FKBP15: variants seen among roughly 807,000 people sequenced by gnomAD.
FKBP15 encodes the protein FK506-binding protein 15.
FKBP15 carries 106 observed loss-of-function variants against 158.1 expected under a neutral mutation model. The ratio of observed to expected loss-of-function variants is 0.67; its 90% CI spans 0.57 to 0.79. The LOEUF (loss-of-function observed/expected upper bound fraction) is 0.79, where lower values mean the gene tolerates loss of function less well. Among genes scored for constraint, FKBP15 ranks in the 30% least tolerant of loss-of-function variants. The pLI is 0.00. For missense variants in FKBP15, 1,287 were observed against 1,479.1 expected (o/e 0.87, Z 2.13); for synonymous variants, 547 against 548.6 (o/e 1.00, Z 0.04).
Position 113,184,555 on chromosome 9 carries a change from C to T in FKBP15, c.1608+140G>A, listed in dbSNP as rs1406795029. The T allele has an allele frequency of 3.2e-6, 3 of 923,222 alleles. No individual in the cohort carries two copies. Among genetic ancestry groups the T allele is most frequent in the Non-Finnish European group, 5.1e-6 (3 of 592,514 alleles). 57.2% of individuals were successfully genotyped at this position (923,222 alleles called of 1,614,324 possible). On this transcript the variant is annotated intron_variant, in intron 16 of 27. Transcript: ENST00000238256. This position sits in a 1 kb window ranked among gnomAD's most constrained non-coding sequence, Gnocchi z 4.5. ...TTTTCTCCTACTAACTGGATCCCAACATAATTATAACTATCCTTGTAGGGA... is the reference window on the plus strand; with the variant it reads ...TTTTCTCCTACTAACTGGATCCCAATATAATTATAACTATCCTTGTAGGGA...
Position 113,163,436 on chromosome 9 carries a change from C to T in FKBP15, c.*2642G>A, listed in dbSNP as rs1007818499. Reference sequence around the variant, plus strand: ...TTCTGCCTTTGGAACACATGAAGATCATCTCGTCTATGGATCATGTTGACA... The same window carrying T: ...TTCTGCCTTTGGAACACATGAAGATTATCTCGTCTATGGATCATGTTGACA... On this transcript the variant is annotated 3_prime_UTR_variant, in exon 28 of 28. Coordinates refer to ENST00000238256, the MANE Select transcript of FKBP15 (RefSeq NM_015258.2). The T allele has an allele frequency of 3.9e-5, 6 of 152,710 alleles. No individual in the cohort carries two copies. The highest frequency in any genetic ancestry group is 3.9e-4 in the Admixed American group (6 of 15,272). The allele number at this position is 152,710 out of a possible 1,614,324, so 9.5% of individuals were successfully genotyped here.
chr9:113,176,210 A>G (rs1830297335), intron 21 of FKBP15, among the ~76,000 whole-genome samples: 1 of 152,200 alleles, frequency 6.6e-6, no homozygotes, highest in Non-Finnish European at 1.5e-5. Context: ...TCTCCTTCTT[A>G]TGTAGTACAA....
At chr9:113,196,139 G>GA (rs1463067707) in intron 9 of FKBP15, among the ~76,000 whole-genome samples, 23 of 151,830 alleles carry the variant, frequency 1.5e-4, no homozygotes, top group Admixed American at 7.2e-4. Context: ...AAAAATCTAT[G>GA]AAAAAAACAT....
chr9:113,184,116 T>C lies in FKBP15; in HGVS notation c.1716+176A>G, dbSNP rs961404440. ...AAAGCAATGTTTCCTTCAGAATATATAGTGATAAGTCACTTGGACAGAATT... is the reference window on the plus strand; with the variant it reads ...AAAGCAATGTTTCCTTCAGAATATACAGTGATAAGTCACTTGGACAGAATT... On this transcript the variant is annotated intron_variant, in intron 17 of 27. Coordinates refer to ENST00000238256, the MANE Select transcript of FKBP15 (RefSeq NM_015258.2). The surrounding 1 kb of genome is among the most constrained non-coding windows in gnomAD (Gnocchi z 4.5). Among the ~76,000 whole-genome samples the C allele has an allele frequency of 2.0e-5, 3 of 152,244 alleles. No individual in the cohort carries two copies. Among genetic ancestry groups the C allele is most frequent in the African/African-American group, 7.2e-5 (3 of 41,474 alleles).
chr9:113,176,747 T>G (rs1830306131), intron 20 of FKBP15, 74 bp from the exon 21 acceptor site: 1 of 1,473,692 alleles, frequency 6.8e-7, no homozygotes, highest in Admixed American at 2.3e-5. Context: ...CCAGCAGCTC[T>G]TTTTTTAAAT....
intron 20 of FKBP15, among the ~76,000 whole-genome samples, 162 bp from the exon 21 acceptor site, chr9:113,176,835 A>C (rs1830307636): frequency 6.6e-6 from 1 of 152,072 alleles, no homozygotes; most frequent in African/African-American, 2.4e-5. Context: ...TATAGCCTCC[A>C]TCTCCTGGGC....
At position 113,194,166 on chromosome 9, in the gene FKBP15, T is replaced by G; in HGVS notation, c.868A>C (p.Lys290Gln). 6.2e-7 allele frequency: 1 copy of G among 1,606,558 alleles called. No homozygotes were observed. The highest frequency in any genetic ancestry group is 1.3e-5 in the African/African-American group (1 of 74,720). ...TCAGAGCCAGAATCTCTGGCAAACT[T>G]CACCTAAGGAAACACCGCATATTCT... Reference protein sequence around the residue: ...LVFEVEVRRVKFARDSGSDGH... With the variant: ...LVFEVEVRRVQFARDSGSDGH... Residue 290 changes from lysine (K) to glutamine (Q), a missense_variant, in exon 10 of 28, where the codon AAG becomes CAG. Lys to Gln is a moderately conservative substitution (Grantham distance 53). Coordinates refer to ENST00000238256, the MANE Select transcript of FKBP15 (RefSeq NM_015258.2).
chr9:113,170,055 A>G (rs901085234), intron 25 of FKBP15, 113 bp from the exon 26 acceptor site: 58 of 1,339,532 alleles, frequency 4.3e-5, no homozygotes, highest in Non-Finnish European at 5.6e-5. Flanking sequence ...TTTCCTGTTA[A>G]AAGAGGCTGA....
chr9:113,195,001 TTTAG>T (rs1389197651), intron 9 of FKBP15, among the ~76,000 whole-genome samples: 5 of 152,164 alleles, frequency 3.3e-5, no homozygotes, highest in Non-Finnish European at 7.3e-5. Context: ...TAAATTAAAT[TTTAG>T]TTAAATATTT....
chr9:113,162,804 G>A lies in FKBP15; in HGVS notation c.*3274C>T, dbSNP rs759125463. 1.1e-5 allele frequency: 17 copies of A among 1,613,488 alleles called. No homozygotes were observed. Among genetic ancestry groups the A allele is most frequent in the South Asian group, 5.5e-5 (5 of 91,058 alleles). On this transcript the variant is annotated 3_prime_UTR_variant, in exon 28 of 28. Coordinates refer to ENST00000238256, the MANE Select transcript of FKBP15 (RefSeq NM_015258.2). ...AATCCATGTCATCCAGGTGGTCATC[G>A]GCTACTTCATCATGCTGGCCGTAAT... is the stretch of plus-strand genomic sequence containing the variant.
chr9:113,211,752 T>A lies in FKBP15; in HGVS notation c.54-160A>T, dbSNP rs1011588086. On this transcript the variant is annotated intron_variant, in intron 1 of 27. Coordinates refer to ENST00000238256, the MANE Select transcript of FKBP15 (RefSeq NM_015258.2). The stretch of plus-strand genomic sequence containing the variant: ...AAGCTAGGAAAGCTGATTTAAAAAT[T>A]AAAAAAAAAAATAAATAAAAATATT... 3.3e-5 allele frequency among the ~76,000 whole-genome samples: 5 copies of A among 149,580 alleles called. No homozygotes were observed. Among genetic ancestry groups the A allele is most frequent in the African/African-American group, 4.9e-5 (2 of 40,720 alleles).
At chr9:113,193,417 C>G (rs1830611562) in intron 11 of FKBP15, 75 bp downstream of exon 11, 7 of 1,241,578 alleles carry the variant, frequency 5.6e-6, no homozygotes, top group Non-Finnish European at 8.0e-6. Flanking sequence ...TGTAGTGATC[C>G]TCCTGCCTCA....
rs1476959808 is a variant in FKBP15 at position 113,178,758 on chromosome 9, G to A, written c.1958C>T (p.Ser653Phe). ...EELAAATAQVSHLQLKMTAHQ... is the reference protein window; with the variant it reads ...EELAAATAQVFHLQLKMTAHQ... ...AGCAGTCATTTTCAGCTGCAGATGA[G>A]AGACCTGTGCAGTGGCCGCTGCTAA... Residue 653 changes from serine to phenylalanine, a missense_variant, in exon 20 of 28, where the codon TCT (serine) becomes TTT (phenylalanine). Ser to Phe is a radical substitution (Grantham distance 155). Coordinates refer to ENST00000238256, the MANE Select transcript of FKBP15 (RefSeq NM_015258.2). 1 of 1,609,802 alleles carries A rather than the reference G, an allele frequency of 6.2e-7. No homozygotes were observed. Among genetic ancestry groups the A allele is most frequent in the Non-Finnish European group, 8.5e-7 (1 of 1,178,026 alleles).
chr9:113,166,913 T>C (rs1024330054), intron 27 of FKBP15, among the ~76,000 whole-genome samples: 8 of 152,160 alleles, frequency 5.3e-5, no homozygotes. Context: ...ACGAACTGAA[T>C]AGTCTCTACT....
Position 113,198,583 on chromosome 9 carries a change from T to A in FKBP15, c.717+272A>T, listed in dbSNP as rs1276645524. On this transcript the variant is annotated intron_variant, in intron 8 of 27. Coordinates refer to ENST00000238256, the MANE Select transcript of FKBP15 (RefSeq NM_015258.2). This position sits in a 1 kb window ranked among gnomAD's most constrained non-coding sequence, Gnocchi z 5.2. ...GCCTGACCAACATGGAGAAACTCCA[T>A]CTCCACTAAAAATACAAAATTAGCT... Among the ~76,000 whole-genome samples, 1 of 152,050 alleles carries A rather than the reference T, an allele frequency of 6.6e-6. No individual in the cohort carries two copies. Among genetic ancestry groups the A allele is most frequent in the East Asian group, 1.9e-4 (1 of 5,166 alleles).
intron 6 of FKBP15, among the ~76,000 whole-genome samples, chr9:113,201,747 A>G (rs1223746473): frequency 1.3e-5 from 2 of 152,246 alleles, no homozygotes; most frequent in Non-Finnish European, 2.9e-5. Flanking sequence ...TAACCAGACT[A>G]TGGTAATTTG....
rs373296910 is a variant in FKBP15, at chr9:113,204,268, C to T, written c.325-1233G>A. 2.8e-3 allele frequency among the ~76,000 whole-genome samples: 426 copies of T among 152,262 alleles called. 4 individuals are homozygous for T. The highest frequency in any genetic ancestry group is 7.1e-3 in the African/African-American group (295 of 41,562). The stretch of plus-strand genomic sequence containing the variant: ...AATTTTTTTGTATTTTTAGTAGACA[C>T]GGGGTTTCTCCATGTTGGTCAGGCT... On this transcript the variant is annotated intron_variant, in intron 4 of 27. Coordinates refer to ENST00000238256, the MANE Select transcript of FKBP15 (RefSeq NM_015258.2).
intron 20 of FKBP15, among the ~76,000 whole-genome samples, chr9:113,178,119 GC>G (rs1830330514): frequency 1.3e-5 from 2 of 152,254 alleles, no homozygotes; most frequent in African/African-American, 4.8e-5. Flanking sequence ...TGGATAAGAA[GC>G]AAGACAAGAA....
In FKBP15 at chr9:113,165,998, G is replaced by T; in HGVS notation, c.*80C>A. ...TCACCTTGACCTCACCCTGTGGTTCGCCTAGACCCAGGGTTGGCTGTGCAA... is the reference window on the plus strand; with the variant it reads ...TCACCTTGACCTCACCCTGTGGTTCTCCTAGACCCAGGGTTGGCTGTGCAA... On this transcript the variant is annotated 3_prime_UTR_variant, in exon 28 of 28. Coordinates refer to ENST00000238256, the MANE Select transcript of FKBP15 (RefSeq NM_015258.2). 1.4e-6 allele frequency: 2 copies of T among 1,384,070 alleles called. No individual in the cohort carries two copies. Among genetic ancestry groups the T allele is most frequent in the Non-Finnish European group, 2.0e-6 (2 of 1,002,118 alleles). The allele number at this position is 1,384,070 out of a possible 1,614,324, so 85.7% of individuals were successfully genotyped here.
Sources: gnomAD v4.1 joint callset for allele counts (sites outside exome capture counted in the v4.1 genomes callset) on GRCh38, gnomAD v4.1.1 for gene constraint, Gnocchi (gnomAD v3.1) non-coding constraint, MANE v1.5 for transcripts, NCBI Gene and HGNC (gene_info 2026-07-23, HGNC 2026-07-21) for gene names.